The following NIBAN2 variants were observed in gnomAD, a reference collection of about 807,000 sequenced individuals.
NIBAN2 encodes protein Niban 2.
In NIBAN2, 36 loss-of-function variants were observed where a neutral mutation model predicts 81.8. The observed-to-expected ratio is 0.44, with a 90% confidence interval of 0.34 to 0.58. The LOEUF (loss-of-function observed/expected upper bound fraction) is 0.58, where lower values mean the gene tolerates loss of function less well. Among genes scored for constraint, NIBAN2 ranks in the 20% least tolerant of loss-of-function variants. The pLI, the probability that NIBAN2 is intolerant of heterozygous loss-of-function variation, is 0.02. For synonymous variants in NIBAN2, 445 were observed against 441.6 expected, an observed-to-expected ratio of 1.01 and a Z score of -0.10; for missense variants, 897 against 1,014.1, an observed-to-expected ratio of 0.88 and a Z score of 1.57.
intron 5 of NIBAN2, 27 bp downstream of exon 5, chr9:127,523,652 C>T (rs763625732): frequency 5.0e-6 from 8 of 1,592,730 alleles, no homozygotes; most frequent in Non-Finnish European, 6.9e-6. Context: ...CTCCCTCCCA[C>T]CGACCCTGCA....
In NIBAN2 at chr9:127,554,548, C is replaced by CTTTTTTTT. The variant is rs1230242603; in HGVS notation, c.55+14264_55+14271dup. ...GGGTTATTCTTTTCTTTTTCTTTTT[C>CTTTTTTTT]TTTTTTTTTTTTTTTTTTTTTTTGC... is the stretch of plus-strand genomic sequence containing the variant. On this transcript the variant is annotated intron_variant, in intron 1 of 13. Coordinates refer to ENST00000373312, the MANE Select transcript of NIBAN2 (RefSeq NM_022833.4). 4.1e-3 allele frequency among the ~76,000 whole-genome samples: 429 copies of CTTTTTTTT among 103,680 alleles called. 1 individual carries two copies. The highest frequency in any genetic ancestry group is 7.4e-3 in the East Asian group (24 of 3,222). 68.0% of individuals were successfully genotyped at this position (103,680 alleles called of 152,430 possible). A position where few individuals can be genotyped will look rare whatever the true frequency, so the allele number is the denominator to read the frequency against.
intron 1 of NIBAN2, among the ~76,000 whole-genome samples, chr9:127,532,098 A>C (rs1837195249): frequency 6.6e-6 from 1 of 152,176 alleles, no homozygotes. Flanking sequence ...AGGCCATGTC[A>C]CTCAGAGCTG....
At chr9:127,514,999 T>C (rs1021166807) in intron 8 of NIBAN2, among the ~76,000 whole-genome samples, 6 of 151,934 alleles carry the variant, frequency 3.9e-5, no homozygotes, top group Admixed American at 1.3e-4. Flanking sequence ...CCCCCTTCTC[T>C]CTCTCTCTTT....
intron 1 of NIBAN2, among the ~76,000 whole-genome samples, chr9:127,564,991 A>G (rs1377673066): frequency 1.3e-5 from 2 of 152,178 alleles, no homozygotes; most frequent in Non-Finnish European, 2.9e-5. Flanking sequence ...TTTAACGGAG[A>G]AAGATGGAGG....
At position 127,545,158 on chromosome 9, in the gene NIBAN2, T is replaced by C. The variant is rs1009750522; in HGVS notation, c.56-13380A>G. Among the ~76,000 whole-genome samples the C allele has an allele frequency of 1.3e-5, 2 of 152,122 alleles. No individual in the cohort carries two copies. The highest frequency in any genetic ancestry group is 2.9e-5 in the Non-Finnish European group (2 of 68,006). On this transcript the variant is annotated intron_variant, in intron 1 of 13. Transcript: ENST00000373312. The surrounding 1 kb of genome is among the most constrained non-coding windows in gnomAD (Gnocchi z 4.7). ...TGGCCTTGGGGTCCCACGTCTACAGTGCCCTCCTAGCGTCCACCCCTTGTG... is the reference window on the plus strand; with the variant it reads ...TGGCCTTGGGGTCCCACGTCTACAGCGCCCTCCTAGCGTCCACCCCTTGTG...
At position 127,545,912 on chromosome 9, in the gene NIBAN2, C is replaced by T. The variant is rs1837463316; in HGVS notation, c.56-14134G>A. Among the ~76,000 whole-genome samples, 1 of 152,134 alleles carries T rather than the reference C, an allele frequency of 6.6e-6. No individual in the cohort carries two copies. The highest frequency in any genetic ancestry group is 2.4e-5 in the African/African-American group (1 of 41,440). The stretch of plus-strand genomic sequence containing the variant: ...CCTGCCTGGCAGCGGCCCCAGCCCA[C>T]AGCCCACAGTGGCAGCTTGTTCTGG... On this transcript the variant is annotated intron_variant, in intron 1 of 13. Transcript: ENST00000373312. This position sits in a 1 kb window ranked among gnomAD's most constrained non-coding sequence, Gnocchi z 4.7.
At position 127,517,102 on chromosome 9, in the gene NIBAN2, G is replaced by A; in HGVS notation, c.810+10C>T. The stretch of plus-strand genomic sequence containing the variant: ...TCCCGTCCCCGCTCCAGGGCCCCAG[G>A]CCCACCCACCTGGATCCACTGCCGC... On this transcript the variant is annotated intron_variant, in intron 7 of 13. Transcript: ENST00000373312. The surrounding 1 kb of genome is among the most constrained non-coding windows in gnomAD (Gnocchi z 4.0). The A allele has an allele frequency of 6.2e-7, 1 of 1,612,568 alleles. No homozygotes were observed. Among genetic ancestry groups the A allele is most frequent in the Non-Finnish European group, 8.5e-7 (1 of 1,179,124 alleles).
intron 2 of NIBAN2, among the ~76,000 whole-genome samples, chr9:127,528,788 T>C (rs1373490378): frequency 1.3e-5 from 2 of 152,236 alleles, no homozygotes; most frequent in African/African-American, 2.4e-5. Context: ...ATCCCTGTCT[T>C]TTCTAGAAAG....
intron 1 of NIBAN2, among the ~76,000 whole-genome samples, chr9:127,574,643 G>A (rs1837986936): frequency 6.6e-6 from 1 of 152,004 alleles, no homozygotes; most frequent in Non-Finnish European, 1.5e-5. Context: ...CCACAAACCT[G>A]TCAAACCTGA....
At chr9:127,519,378 A>AAG (rs1836893423) in intron 5 of NIBAN2, among the ~76,000 whole-genome samples, 1 of 152,098 alleles carries the variant, frequency 6.6e-6, no homozygotes, top group Admixed American at 6.5e-5. Context: ...GACTTGGGGT[A>AAG]AGAAGGTGGT....
At chr9:127,574,816 C>T (rs1295597558) in intron 1 of NIBAN2, among the ~76,000 whole-genome samples, 1 of 152,220 alleles carries the variant, frequency 6.6e-6, no homozygotes, top group Non-Finnish European at 1.5e-5. Flanking sequence ...GACCTCCTCT[C>T]TTTATTAACT....
rs1002407596 is a variant in NIBAN2 at position 127,509,101 on chromosome 9, G to A, written c.1192C>T (p.His398Tyr). 2.5e-6 allele frequency: 4 copies of A among 1,612,686 alleles called. No individual in the cohort carries two copies. Among genetic ancestry groups the A allele is most frequent in the South Asian group, 2.2e-5 (2 of 91,048 alleles). Residue 398 changes from histidine to tyrosine, a missense_variant, in exon 10 of 14, where the codon CAC becomes TAC. Coordinates refer to ENST00000373312, the MANE Select transcript of NIBAN2 (RefSeq NM_022833.4). ...TAGCAGCTCTGCATCTTCAGGGGGT[G>A]GTACGCCAGCCGGGACAGCTTCTCC... ...YMEKLSRLAYHPLKMQSCYEK... is the reference protein window; with the variant it reads ...YMEKLSRLAYYPLKMQSCYEK...
intron 1 of NIBAN2, among the ~76,000 whole-genome samples, chr9:127,577,596 G>A (rs866737619): frequency 9.7e-5 from 12 of 123,136 alleles, no homozygotes; most frequent in African/African-American, 1.6e-4. Context: ...AATACCCCAC[G>A]CTTCCCACAC....
In NIBAN2 at chr9:127,517,444, C is replaced by T. The variant is rs907993852; in HGVS notation, c.706-228G>A. On this transcript the variant is annotated intron_variant, in intron 6 of 13. Coordinates refer to ENST00000373312, the MANE Select transcript of NIBAN2 (RefSeq NM_022833.4). The surrounding 1 kb of genome is among the most constrained non-coding windows in gnomAD (Gnocchi z 4.0). ...CAGACTCAAGGGCCAGCCCCAGGGC[C>T]TTTGCACAGGCTGCCTTCCCTACCT... is the stretch of plus-strand genomic sequence containing the variant. Among the ~76,000 whole-genome samples, 2 of 152,220 alleles carry T rather than the reference C, an allele frequency of 1.3e-5. No individual in the cohort carries two copies. The highest frequency in any genetic ancestry group is 1.3e-4 in the Admixed American group (2 of 15,288).
rs1192866880 is a variant in NIBAN2 at position 127,523,168 on chromosome 9, TTAAA to T, written c.589+507_589+510del. 3.4e-3 allele frequency among the ~76,000 whole-genome samples: 64 copies of T among 19,006 alleles called. 6 individuals are homozygous for T. The highest frequency in any genetic ancestry group is 0.019 in the Admixed American group (27 of 1,420). 12.5% of individuals were successfully genotyped at this position (19,006 alleles called of 152,430 possible). On this transcript the variant is annotated intron_variant, in intron 5 of 13. Coordinates refer to ENST00000373312, the MANE Select transcript of NIBAN2 (RefSeq NM_022833.4). ...CAAATCACCCTGCAGGTTGGTGGTTTTAAAAAAAAAAAAAAAAAAAAAAAATATA... is the reference window on the plus strand; with the variant it reads ...CAAATCACCCTGCAGGTTGGTGGTTTAAAAAAAAAAAAAAAAAAAAATATA...
chr9:127,536,409 G>C lies in NIBAN2; in HGVS notation c.56-4631C>G, dbSNP rs750386389. On this transcript the variant is annotated intron_variant, in intron 1 of 13. Coordinates refer to ENST00000373312, the MANE Select transcript of NIBAN2 (RefSeq NM_022833.4). The surrounding 1 kb of genome is among the most constrained non-coding windows in gnomAD (Gnocchi z 4.0). Reference sequence around the variant, plus strand: ...CACCGCCTTACCTGCTGAGCTCTGGGGCTGCAGTCCAGGCAGGCCCCACCC... The same window carrying C: ...CACCGCCTTACCTGCTGAGCTCTGGCGCTGCAGTCCAGGCAGGCCCCACCC... Among the ~76,000 whole-genome samples the C allele has an allele frequency of 6.6e-6, 1 of 152,208 alleles. No homozygotes were observed. The highest frequency in any genetic ancestry group is 1.5e-5 in the Non-Finnish European group (1 of 68,026).
chr9:127,541,033 G>C (rs138124922), intron 1 of NIBAN2, among the ~76,000 whole-genome samples: 26 of 152,342 alleles, frequency 1.7e-4, no homozygotes, highest in Non-Finnish European at 2.9e-4. Flanking sequence ...GGGGAAAGAG[G>C]GGGGTGCCGA....
intron 1 of NIBAN2, among the ~76,000 whole-genome samples, chr9:127,546,840 AC>A (rs1837480126): frequency 6.6e-6 from 1 of 151,944 alleles, no homozygotes; most frequent in Admixed American, 6.6e-5. Context: ...AACTACAATT[AC>A]TAGGAGCCCC....
chr9:127,548,276 C>T (rs1021525002), intron 1 of NIBAN2, among the ~76,000 whole-genome samples: 3 of 152,206 alleles, frequency 2.0e-5, no homozygotes, highest in African/African-American at 7.2e-5. Flanking sequence ...TGAAAGCCAA[C>T]ACCCAAACGT....
Sources: allele counts gnomAD v4.1 joint callset (sites outside exome capture counted in the v4.1 genomes callset), GRCh38; gene constraint gnomAD v4.1.1; non-coding constraint Gnocchi (gnomAD v3.1); transcripts MANE v1.5; gene names NCBI Gene and HGNC (gene_info 2026-07-23, HGNC 2026-07-21).